The following NPAS3 variants were observed in gnomAD, a reference collection of about 807,000 sequenced individuals.
The protein encoded by NPAS3 is neuronal PAS domain-containing protein 3.
Under a neutral mutation model 73.1 loss-of-function variants are expected in NPAS3, and 14 were observed. The ratio of observed to expected loss-of-function variants is 0.19; its 90% CI spans 0.13 to 0.30. The LOEUF is 0.30. NPAS3 is among the 10% of genes least tolerant of loss of function. The pLI is 1.00. For missense variants in NPAS3, 1,096 were observed against 1,250.0 expected (o/e 0.88, Z 1.86); for synonymous variants, 620 against 541.5 (o/e 1.14, Z -2.01).
upstream of NPAS3, among the ~76,000 whole-genome samples, chr14:32,938,524 A>AGGG (rs755281473): frequency 1.0e-5 from 1 of 97,400 alleles, no homozygotes; most frequent in African/African-American, 4.5e-5. Context: ...AGAGAGAGAG[A>AGGG]AGGGGGGGGA....
chr14:33,319,581 T>C (rs967885077), intron 3 of NPAS3, among the ~76,000 whole-genome samples: 1 of 152,036 alleles, frequency 6.6e-6, no homozygotes, highest in Admixed American at 6.6e-5. Context: ...ACAAAAAGAA[T>C]TCTAGAGTAA....
At chr14:33,538,724 A>G (rs1313270875) in intron 4 of NPAS3, among the ~76,000 whole-genome samples, 1 of 152,238 alleles carries the variant, frequency 6.6e-6, no homozygotes, top group Non-Finnish European at 1.5e-5. Flanking sequence ...ATTTACTTAC[A>G]TAAAGGCTTG....
At chr14:33,540,979 T>C (rs909988450) in intron 4 of NPAS3, among the ~76,000 whole-genome samples, 5 of 151,698 alleles carry the variant, frequency 3.3e-5, no homozygotes, top group Non-Finnish European at 5.9e-5. Context: ...TAATGCGTTT[T>C]CCCCCCCAAG....
In NPAS3 at chr14:33,179,752, A is replaced by T. The variant is rs796750681; in HGVS notation, c.141-35430A>T. The stretch of plus-strand genomic sequence containing the variant: ...CATTCCCCAATTCAGAACTCTTGAA[A>T]CACAGTAAAGAGTGGAGGAATGGAT... On this transcript the variant is annotated intron_variant, in intron 2 of 11. Transcript: ENST00000356141. 1.6e-4 allele frequency among the ~76,000 whole-genome samples: 24 copies of T among 152,324 alleles called. 1 individual carries two copies. The highest frequency in any genetic ancestry group is 5.8e-4 in the African/African-American group (24 of 41,574).
At chr14:33,751,577 G>C (rs555637805) in intron 7 of NPAS3, among the ~76,000 whole-genome samples, 14 of 152,184 alleles carry the variant, frequency 9.2e-5, no homozygotes, top group Non-Finnish European at 1.6e-4. Flanking sequence ...TAGGTATCTA[G>C]ATTATTGGAA....
At chr14:33,093,014 C>A (rs1173542688) in intron 2 of NPAS3, among the ~76,000 whole-genome samples, 2 of 152,048 alleles carry the variant, frequency 1.3e-5, no homozygotes, top group African/African-American at 4.8e-5. Flanking sequence ...ACCGTAGAAA[C>A]CCTAGAAGAA....
chr14:33,309,431 C>T (rs771311510), intron 3 of NPAS3, among the ~76,000 whole-genome samples: 17 of 152,190 alleles, frequency 1.1e-4, no homozygotes, highest in Admixed American at 4.6e-4. Flanking sequence ...GTTTAAAAAG[C>T]TTCAAGCATG....
intron 3 of NPAS3, among the ~76,000 whole-genome samples, chr14:33,335,323 T>C (rs573322115): frequency 5.0e-4 from 76 of 152,276 alleles, no homozygotes; most frequent in Admixed American, 1.2e-3. Flanking sequence ...TGGCATGGGC[T>C]AGGTACATTC....
chr14:33,292,169 A>G (rs1212791181), intron 3 of NPAS3, among the ~76,000 whole-genome samples: 4 of 152,214 alleles, frequency 2.6e-5, no homozygotes, highest in Admixed American at 2.0e-4. Context: ...GGGTGTTTCA[A>G]AAGCATCCGT....
intron 2 of NPAS3, among the ~76,000 whole-genome samples, chr14:33,145,270 C>T (rs1340199882): frequency 1.3e-5 from 2 of 152,004 alleles, no homozygotes; most frequent in Admixed American, 1.3e-4. Flanking sequence ...TTTTCCAATC[C>T]CTAATAAAAG....
At chr14:33,400,617 T>C (rs2047404570) in intron 4 of NPAS3, among the ~76,000 whole-genome samples, 1 of 152,148 alleles carries the variant, frequency 6.6e-6, no homozygotes, top group South Asian at 2.1e-4. Context: ...GACCAGAATT[T>C]AGATAAACAA....
intron 2 of NPAS3, among the ~76,000 whole-genome samples, chr14:33,209,304 T>C (rs569116922): frequency 6.6e-6 from 1 of 152,328 alleles, no homozygotes; most frequent in South Asian, 2.1e-4. Context: ...AGAATTTTTT[T>C]CCTTTGAAGT....
At chr14:32,946,945 G>A (rs1023984391) in intron 1 of NPAS3, among the ~76,000 whole-genome samples, 5 of 152,118 alleles carry the variant, frequency 3.3e-5, no homozygotes, top group African/African-American at 1.2e-4. Flanking sequence ...TCATCAGTAT[G>A]CTAATGCAGA....
At chr14:33,725,084 G>T (rs905334990) in intron 6 of NPAS3, among the ~76,000 whole-genome samples, 2 of 152,010 alleles carry the variant, frequency 1.3e-5, no homozygotes, top group African/African-American at 4.8e-5. Context: ...AAACTGATTT[G>T]CAGCCAAGGC....
In NPAS3 at chr14:33,308,527, T is replaced by TATACACACACACACACACACACAC; in HGVS notation, c.386-58658_386-58657insTACACACACACACACACACACACA. On this transcript the variant is annotated intron_variant, in intron 3 of 11. Transcript: ENST00000356141. ...TGCATAGTTTATATATATATATATA[T>TATACACACACACACACACACACAC]ACATACACACACACACACACACACA... Among the ~76,000 whole-genome samples, 133 of 103,710 alleles carry TATACACACACACACACACACACAC rather than the reference T, an allele frequency of 1.3e-3. 6 individuals carry two copies. The East Asian group carries it at 0.029, about 22-fold the overall frequency. 68.0% of individuals were successfully genotyped at this position (103,710 alleles called of 152,430 possible). A position where few individuals can be genotyped will look rare whatever the true frequency, so the allele number is the denominator to read the frequency against.
At chr14:33,202,805 C>G (rs572515665) in intron 2 of NPAS3, among the ~76,000 whole-genome samples, 41 of 150,944 alleles carry the variant, frequency 2.7e-4, no homozygotes, top group Non-Finnish European at 5.2e-4. Flanking sequence ...TATCATTAGT[C>G]TGCATTATTT....
Position 33,001,510 on chromosome 14 carries a change from T to A in NPAS3, c.51-54395T>A, listed in dbSNP as rs151041656. ...GAGTCTCCAATTTTCCTATGGAGCT[T>A]ACGTGCCCTGCCGTCACCTCACACT... On this transcript the variant is annotated intron_variant, in intron 1 of 11. Transcript: ENST00000356141. Among the ~76,000 whole-genome samples the A allele has an allele frequency of 6.9e-3, 1,045 of 152,296 alleles. 6 individuals are homozygous for A. Among genetic ancestry groups the A allele is most frequent in the Non-Finnish European group, 9.9e-3 (676 of 68,026 alleles).
At chr14:33,269,992 G>T (rs1387513269) in intron 3 of NPAS3, among the ~76,000 whole-genome samples, 1 of 152,106 alleles carries the variant, frequency 6.6e-6, no homozygotes, top group African/African-American at 2.4e-5. Flanking sequence ...TAGTGAGGGA[G>T]TGCTCTCAAG....
chr14:33,360,997 A>G (rs1440603764), intron 3 of NPAS3, among the ~76,000 whole-genome samples: 1 of 152,118 alleles, frequency 6.6e-6, no homozygotes, highest in Non-Finnish European at 1.5e-5. Context: ...TGTCAAGGGG[A>G]AGTGTGGGTT....
Sources: allele counts gnomAD v4.1 joint callset (sites outside exome capture counted in the v4.1 genomes callset), GRCh38; gene constraint gnomAD v4.1.1; transcripts MANE v1.5; gene names NCBI Gene and HGNC (gene_info 2026-07-23, HGNC 2026-07-21).